Variants in TMTC1 observed in about 807,000 individuals in gnomAD.
TMTC1 encodes the protein protein O-mannosyl-transferase TMTC1.
In TMTC1, 73 loss-of-function variants were observed where a neutral mutation model predicts 104.8. That is an observed-to-expected ratio of 0.70 (90% CI 0.58 to 0.85). The LOEUF is 0.85. TMTC1 is among the 40% of genes least tolerant of loss of function. TMTC1 has a pLI of 0.00. For missense variants in TMTC1, 1,035 were observed against 1,096.1 expected (o/e 0.94, Z 0.79); for synonymous variants, 434 against 428.7 (o/e 1.01, Z -0.15).
chr12:29,511,834 T>C (rs1234277481), intron 17 of TMTC1, among the ~76,000 whole-genome samples: 1 of 152,254 alleles, frequency 6.6e-6, no homozygotes, highest in African/African-American at 2.4e-5. Flanking sequence ...ACAGATTTAT[T>C]TTTAAAATAG....
chr12:29,648,329 C>T (rs1243362935), intron 5 of TMTC1, among the ~76,000 whole-genome samples: 1 of 152,216 alleles, frequency 6.6e-6, no homozygotes, highest in African/African-American at 2.4e-5. Flanking sequence ...GCTCTACTCA[C>T]AGAACAACTT....
chr12:29,659,179 T>C (rs1266724801), intron 5 of TMTC1, among the ~76,000 whole-genome samples: 1 of 152,244 alleles, frequency 6.6e-6, no homozygotes, highest in African/African-American at 2.4e-5. Flanking sequence ...CACTGTTCTG[T>C]AACATTCACC....
At chr12:29,545,451 C>T (rs766766884) in intron 10 of TMTC1, among the ~76,000 whole-genome samples, 1 of 152,080 alleles carries the variant, frequency 6.6e-6, no homozygotes, top group Admixed American at 6.6e-5. Context: ...ACCAGCCTGG[C>T]TAACATGGTG....
chr12:29,537,696 T>C (rs780314931), intron 10 of TMTC1, among the ~76,000 whole-genome samples: 3 of 152,192 alleles, frequency 2.0e-5, no homozygotes, highest in Non-Finnish European at 4.4e-5. Context: ...TCAGCAGAAC[T>C]GTCCCATGAG....
intron 5 of TMTC1, among the ~76,000 whole-genome samples, chr12:29,638,625 A>G (rs1402855213): frequency 1.3e-5 from 2 of 152,166 alleles, no homozygotes; most frequent in Non-Finnish European, 2.9e-5. Context: ...AGCACACGGT[A>G]ACACACACCC....
At chr12:29,710,939 T>C (rs950441748) in intron 5 of TMTC1, among the ~76,000 whole-genome samples, 10 of 16,674 alleles carry the variant, frequency 6.0e-4, no homozygotes, top group African/African-American at 8.7e-4. Context: ...ATATTAATAA[T>C]ATATAAATAT....
chr12:29,684,800 A>G lies in TMTC1; in HGVS notation c.939-51464T>C, dbSNP rs562220688. 3.9e-5 allele frequency among the ~76,000 whole-genome samples: 6 copies of G among 152,298 alleles called. No homozygotes were observed. The South Asian group carries it at 1.2e-3, about 32-fold the overall frequency. On this transcript the variant is annotated intron_variant, in intron 5 of 17. Coordinates refer to ENST00000539277, the MANE Select transcript of TMTC1 (RefSeq NM_001193451.2). The stretch of plus-strand genomic sequence containing the variant: ...GGGATCTCCCCCTCTCCGGCCACAC[A>G]CACACACAGTTGGCTGTAATTATTA...
At position 29,660,805 on chromosome 12, in the gene TMTC1, T is replaced by A. The variant is rs1195621804; in HGVS notation, c.939-27469A>T. On this transcript the variant is annotated intron_variant, in intron 5 of 17. Transcript: ENST00000539277. Reference sequence around the variant, plus strand: ...ATATATATATATATATATACTTACATAACTTAGGACCAAAATGGCCCTTTT... The same window carrying A: ...ATATATATATATATATATACTTACAAAACTTAGGACCAAAATGGCCCTTTT... 4.4e-6 allele frequency: 6 copies of A among 1,352,346 alleles called. No homozygotes were observed. The Admixed American group carries it at 7.1e-5, about 16-fold the overall frequency. 83.8% of individuals were successfully genotyped at this position (1,352,346 alleles called of 1,614,324 possible). A position where few individuals can be genotyped will look rare whatever the true frequency, so the allele number is the denominator to read the frequency against.
intron 11 of TMTC1, 61 bp from the exon 12 acceptor site, chr12:29,520,781 G>A: frequency 7.5e-7 from 1 of 1,331,330 alleles, no homozygotes; most frequent in Non-Finnish European, 1.0e-6. Flanking sequence ...AACAATAACT[G>A]AATATTAGGA....
chr12:29,764,763 C>T (rs1222065093), intron 2 of TMTC1, among the ~76,000 whole-genome samples: 1 of 152,286 alleles, frequency 6.6e-6, no homozygotes, highest in African/African-American at 2.4e-5. Context: ...CTCTAAGACT[C>T]CTCTGTCCCT....
chr12:29,776,476 C>T (rs189853043), intron 1 of TMTC1, among the ~76,000 whole-genome samples: 1 of 152,326 alleles, frequency 6.6e-6, no homozygotes, highest in Admixed American at 6.5e-5. Flanking sequence ...TTTTTCTCTA[C>T]ATTATAATCA....
chr12:29,777,833 TAG>T (rs1262828087), intron 1 of TMTC1, among the ~76,000 whole-genome samples: 4 of 152,206 alleles, frequency 2.6e-5, no homozygotes, highest in South Asian at 2.1e-4. Flanking sequence ...TGTCCTATGA[TAG>T]ACTTAGAAAA....
chr12:29,767,824 G>A lies in TMTC1; in HGVS notation c.480+74C>T, dbSNP rs1943504323. On this transcript the variant is annotated intron_variant, in intron 2 of 17. Coordinates refer to ENST00000539277, the MANE Select transcript of TMTC1 (RefSeq NM_001193451.2). ...CACATATTTACATGTATATATATGT[G>A]TGTGTATACACGTATACACGTATAC... 4 of 1,345,144 alleles carry A rather than the reference G, an allele frequency of 3.0e-6. No individual in the cohort carries two copies. The East Asian group carries it at 7.1e-5, about 24-fold the overall frequency. The allele number at this position is 1,345,144 out of a possible 1,614,324, so 83.3% of individuals were successfully genotyped here.
At chr12:29,543,474 G>A (rs577926951) in intron 10 of TMTC1, among the ~76,000 whole-genome samples, 8 of 152,166 alleles carry the variant, frequency 5.3e-5, no homozygotes, top group Non-Finnish European at 1.0e-4. Flanking sequence ...TGGATTTGGC[G>A]ACCCTCTTGG....
chr12:29,748,307 C>G (rs995196035), intron 5 of TMTC1, among the ~76,000 whole-genome samples: 1 of 152,144 alleles, frequency 6.6e-6, no homozygotes, highest in African/African-American at 2.4e-5. Flanking sequence ...GCACCAATAC[C>G]CCATACTGAA....
At chr12:29,521,724 T>C (rs145046267) in intron 11 of TMTC1, among the ~76,000 whole-genome samples, 5,416 of 152,056 alleles carry the variant, frequency 0.036, 150 homozygotes, top group East Asian at 0.1. Context: ...TGTGCCACCA[T>C]GCCCAGCTAA....
chr12:29,567,659 T>C (rs958743307), intron 9 of TMTC1, among the ~76,000 whole-genome samples: 1 of 152,226 alleles, frequency 6.6e-6, no homozygotes, highest in Admixed American at 6.5e-5. Context: ...CAGAAATACA[T>C]GGCAGCTGGT....
intron 2 of TMTC1, among the ~76,000 whole-genome samples, chr12:29,761,785 C>A (rs1943356638): frequency 6.6e-6 from 1 of 152,152 alleles, no homozygotes; most frequent in South Asian, 2.1e-4. Flanking sequence ...GTTAAAGAAT[C>A]CATCAACAAT....
At chr12:29,634,241 T>C (rs1025759367) in intron 5 of TMTC1, among the ~76,000 whole-genome samples, 7 of 152,194 alleles carry the variant, frequency 4.6e-5, no homozygotes, top group African/African-American at 1.4e-4. Flanking sequence ...AATGTGCTTA[T>C]GACTGTGAAT....
Sources: allele counts gnomAD v4.1 joint callset (sites outside exome capture counted in the v4.1 genomes callset), GRCh38; gene constraint gnomAD v4.1.1; transcripts MANE v1.5; gene names NCBI Gene and HGNC (gene_info 2026-07-23, HGNC 2026-07-21).